The following SMIM35 variants were observed in gnomAD, a reference collection of about 807,000 sequenced individuals.
The protein encoded by SMIM35 is small integral membrane protein 35.
intron 1 of SMIM35, among the ~76,000 whole-genome samples, chr11:118,076,388 A>G (rs2845696): frequency 0.16 from 24,815 of 152,126 alleles, 2,181 homozygotes; most frequent in East Asian, 0.3. Flanking sequence ...CGGAGGTTGC[A>G]GTGAGCTGAG....
rs1372841302 is a variant in SMIM35 at position 118,020,426 on chromosome 11, TTAG to T, written c.8-4620_8-4618del. ...TTTTCAAGGTCAGTGAAAATCTCTA[TTAG>T]AATTTGATTGAGATAACAGTAAATG... On this transcript the variant is annotated intron_variant, in intron 1 of 4. Transcript: ENST00000689828. Among the ~76,000 whole-genome samples, 3 of 152,344 alleles carry T rather than the reference TTAG, an allele frequency of 2.0e-5. No homozygotes were observed. In the East Asian group the frequency reaches 5.8e-4, roughly 29 times the overall value.
chr11:118,059,820 T>G (rs1944369420), intron 1 of SMIM35, among the ~76,000 whole-genome samples: 1 of 152,140 alleles, frequency 6.6e-6, no homozygotes, highest in Non-Finnish European at 1.5e-5. Context: ...AGACACAGGG[T>G]GAGGTGCTCA....
chr11:118,008,773 G>T (rs1591271980), intron 4 of SMIM35, among the ~76,000 whole-genome samples: 1 of 152,228 alleles, frequency 6.6e-6, no homozygotes, highest in Non-Finnish European at 1.5e-5. Context: ...TATGGCCAGA[G>T]CCATGCAAAG....
At chr11:118,051,870 C>T (rs941761817) in intron 1 of SMIM35, among the ~76,000 whole-genome samples, 1 of 147,844 alleles carries the variant, frequency 6.8e-6, no homozygotes, top group African/African-American at 2.5e-5. Context: ...TAATACTATA[C>T]TAATACTAAT....
At chr11:118,046,416 G>T (rs998449157) in intron 1 of SMIM35, among the ~76,000 whole-genome samples, 1 of 152,150 alleles carries the variant, frequency 6.6e-6, no homozygotes, top group African/African-American at 2.4e-5. Context: ...CTGATGATAG[G>T]GTTTATGAAG....
Position 118,056,106 on chromosome 11 carries a change from G to A in SMIM35, c.7+30645C>T, listed in dbSNP as rs531292043. ...TCCATGTGGCCAGGTAGTGGCCGAC[G>A]ATCAAGTGGTGGATGGGGCAGGTCA... On this transcript the variant is annotated intron_variant, in intron 1 of 4. Coordinates refer to ENST00000689828, the MANE Select transcript of SMIM35 (RefSeq NM_001394165.1). 4.6e-5 allele frequency among the ~76,000 whole-genome samples: 7 copies of A among 152,122 alleles called. No homozygotes were observed. The South Asian group carries it at 6.2e-4, about 13-fold the overall frequency.
intron 1 of SMIM35, among the ~76,000 whole-genome samples, chr11:118,037,110 C>A (rs12222379): frequency 0.039 from 5,922 of 152,250 alleles, 200 homozygotes; most frequent in East Asian, 0.19. Flanking sequence ...CTCAGTCCCC[C>A]CTCTCAACAG....
At chr11:118,027,784 C>A (rs77286449) in intron 1 of SMIM35, among the ~76,000 whole-genome samples, 17,306 of 152,220 alleles carry the variant, frequency 0.11, 2,752 homozygotes, top group African/African-American at 0.36. Context: ...CAGTTTCAGA[C>A]CACAAAGGTG....
chr11:118,060,586 T>C (rs1207915304), intron 1 of SMIM35, among the ~76,000 whole-genome samples: 2 of 152,134 alleles, frequency 1.3e-5, no homozygotes, highest in Non-Finnish European at 2.9e-5. Context: ...TGGGAGACTG[T>C]CCTTGGCCGC....
At chr11:118,031,341 A>T (rs2058317933) in intron 1 of SMIM35, among the ~76,000 whole-genome samples, 1 of 152,212 alleles carries the variant, frequency 6.6e-6, no homozygotes. Context: ...TTTTCCACTC[A>T]AAGGAACCAG....
intron 1 of SMIM35, among the ~76,000 whole-genome samples, chr11:118,085,576 T>G (rs1240729387): frequency 6.6e-6 from 1 of 152,188 alleles, no homozygotes; most frequent in Non-Finnish European, 1.5e-5. Flanking sequence ...ATAAACTCTG[T>G]CTTTGAACCT....
intron 1 of SMIM35, among the ~76,000 whole-genome samples, chr11:118,083,070 C>T (rs897749845): frequency 3.3e-5 from 5 of 152,152 alleles, no homozygotes; most frequent in Admixed American, 6.5e-5. Context: ...TGCGCCGCTG[C>T]GGGGCTCGGT....
At chr11:118,036,549 C>G (rs2058360723) in intron 1 of SMIM35, among the ~76,000 whole-genome samples, 1 of 152,214 alleles carries the variant, frequency 6.6e-6, no homozygotes, top group South Asian at 2.1e-4. Flanking sequence ...GTGCTGCCAG[C>G]ACAGGGCTGG....
At chr11:118,039,527 T>A (rs1368725425) in intron 1 of SMIM35, among the ~76,000 whole-genome samples, 1 of 151,740 alleles carries the variant, frequency 6.6e-6, no homozygotes, top group East Asian at 1.9e-4. Context: ...CTGGGAAACA[T>A]GGCAAAACTC....
chr11:118,060,865 C>A (rs74743558), intron 1 of SMIM35, among the ~76,000 whole-genome samples: 2,049 of 152,294 alleles, frequency 0.013, 39 homozygotes, highest in African/African-American at 0.047. Context: ...GATCCCCAGG[C>A]AGACACCCAC....
intron 1 of SMIM35, among the ~76,000 whole-genome samples, chr11:118,052,654 C>T (rs961713394): frequency 5.3e-5 from 8 of 152,032 alleles, no homozygotes; most frequent in African/African-American, 1.9e-4. Context: ...TGATCGCCTA[C>T]GCCCCCTTCC....
chr11:118,057,588 T>G (rs1381953149), intron 1 of SMIM35, among the ~76,000 whole-genome samples: 1 of 152,086 alleles, frequency 6.6e-6, no homozygotes, highest in Admixed American at 6.5e-5. Flanking sequence ...GCAGGGGTGA[T>G]GTGGGTGGAT....
intron 1 of SMIM35, among the ~76,000 whole-genome samples, chr11:118,027,342 G>A (rs112504341): frequency 2.7e-5 from 4 of 150,648 alleles, no homozygotes; most frequent in South Asian, 2.1e-4. Context: ...TTTTTTTTGC[G>A]TGGTAGATTT....
intron 4 of SMIM35, among the ~76,000 whole-genome samples, chr11:118,012,202 C>T (rs2058153924): frequency 6.6e-6 from 1 of 152,208 alleles, no homozygotes; most frequent in African/African-American, 2.4e-5. Flanking sequence ...TCAGCAGTGA[C>T]AGGCTCCCTT....
Sources: gnomAD v4.1 joint callset for allele counts (sites outside exome capture counted in the v4.1 genomes callset) on GRCh38, gnomAD v4.1.1 for gene constraint, MANE v1.5 for transcripts, NCBI Gene and HGNC (gene_info 2026-07-23, HGNC 2026-07-21) for gene names.